Variants in DENND1A observed in about 807,000 individuals in gnomAD.
DENND1A encodes the protein DENN domain-containing protein 1A.
A neutral mutation model predicts 113.7 loss-of-function variants in DENND1A; 51 were observed. That is an observed-to-expected ratio of 0.45 (90% CI 0.36 to 0.57). The LOEUF (loss-of-function observed/expected upper bound fraction) is 0.57. DENND1A is among the 20% of genes least tolerant of loss of function. The probability of loss-of-function intolerance (pLI) is 0.00; values close to 1 mark genes in which losing one functional copy is unlikely to be tolerated. For synonymous variants in DENND1A, 565 were observed against 570.8 expected (o/e 0.99, Z 0.14); for missense variants, 1,258 against 1,395.9 (o/e 0.90, Z 1.57).
chr9:123,563,945 C>T (rs2057907511), intron 12 of DENND1A, among the ~76,000 whole-genome samples: 4 of 152,146 alleles, frequency 2.6e-5, no homozygotes, highest in Admixed American at 2.6e-4. Context: ...GAACAAATAG[C>T]TCTTTCTCAG....
At chr9:123,621,324 T>C (rs939273192) in intron 10 of DENND1A, among the ~76,000 whole-genome samples, 1 of 152,090 alleles carries the variant, frequency 6.6e-6, no homozygotes, top group Non-Finnish European at 1.5e-5. Flanking sequence ...TAGCTGGGAT[T>C]ACAGGCATGT....
intron 11 of DENND1A, among the ~76,000 whole-genome samples, chr9:123,606,724 T>G (rs1363562460): frequency 1.3e-5 from 2 of 152,220 alleles, no homozygotes; most frequent in African/African-American, 4.8e-5. Flanking sequence ...CACAAAGCAT[T>G]TGCTCAGAGA....
chr9:123,638,181 C>G (rs1055231464), intron 9 of DENND1A, among the ~76,000 whole-genome samples: 11 of 152,060 alleles, frequency 7.2e-5, no homozygotes, highest in African/African-American at 2.7e-4. Flanking sequence ...TTTAAAACAT[C>G]AAAGCAACTA....
chr9:123,557,887 G>C (rs1487309981), intron 12 of DENND1A, among the ~76,000 whole-genome samples, 192 bp from the exon 13 acceptor site: 3 of 152,022 alleles, frequency 2.0e-5, no homozygotes, highest in Admixed American at 2.0e-4. Context: ...AGCTACTTGG[G>C]AAGCTGAGGC....
intron 9 of DENND1A, among the ~76,000 whole-genome samples, chr9:123,642,928 G>C (rs1487009199): frequency 1.3e-5 from 2 of 152,204 alleles, no homozygotes; most frequent in African/African-American, 2.4e-5. Context: ...CGTTCGTCAG[G>C]AAAGTAGCAA....
intron 19 of DENND1A, among the ~76,000 whole-genome samples, chr9:123,424,109 GC>G (rs2045530349): frequency 6.6e-6 from 1 of 152,172 alleles, no homozygotes; most frequent in African/African-American, 2.4e-5. Context: ...TTGGTAGACA[GC>G]CCTGGGGAAA....
Position 123,381,385 on chromosome 9 carries a change from G to A in DENND1A, c.*47C>T. Reference sequence around the variant, plus strand: ...GGGGGAGCCTCGGAACCGCAGCAGTGGACGGACCCTCGGGCCTCGGTGCAT... The same window carrying A: ...GGGGGAGCCTCGGAACCGCAGCAGTAGACGGACCCTCGGGCCTCGGTGCAT... On this transcript the variant is annotated 3_prime_UTR_variant, in exon 24 of 24. Coordinates refer to ENST00000394215, the MANE Select transcript of DENND1A (RefSeq NM_001352964.2). The surrounding 1 kb of genome is among the most constrained non-coding windows in gnomAD (Gnocchi z 4.7). The A allele has an allele frequency of 1.3e-6, 2 of 1,566,836 alleles. No individual in the cohort carries two copies. The highest frequency in any genetic ancestry group is 3.4e-4 in the Middle Eastern group (2 of 5,870).
intron 8 of DENND1A, among the ~76,000 whole-genome samples, chr9:123,657,410 G>C (rs887441811): frequency 7.2e-6 from 1 of 138,140 alleles, no homozygotes; most frequent in African/African-American, 2.6e-5. Context: ...GCGATGGGGG[G>C]AGTTGGAGTG....
chr9:123,563,263 GCCCTGCC>G (rs1413520358), intron 12 of DENND1A, among the ~76,000 whole-genome samples: 1 of 152,072 alleles, frequency 6.6e-6, no homozygotes, highest in East Asian at 1.9e-4. Flanking sequence ...TATTGCCCCG[GCCCTGCC>G]TTCACCCGAC....
At chr9:123,472,543 G>A (rs955488084) in intron 13 of DENND1A, among the ~76,000 whole-genome samples, 7 of 152,110 alleles carry the variant, frequency 4.6e-5, no homozygotes, top group African/African-American at 1.2e-4. Flanking sequence ...CAGCATGTCC[G>A]GTACACCCCG....
intron 21 of DENND1A, among the ~76,000 whole-genome samples, chr9:123,391,977 C>T (rs58029121): frequency 0.022 from 3,273 of 152,196 alleles, 108 homozygotes; most frequent in African/African-American, 0.075. Context: ...CCCATCATCC[C>T]CCACGGCTGC....
chr9:123,637,198 G>A (rs1036663111), intron 9 of DENND1A, among the ~76,000 whole-genome samples: 1 of 152,144 alleles, frequency 6.6e-6, no homozygotes, highest in Non-Finnish European at 1.5e-5. Context: ...TTTCCCCTCT[G>A]AACATAAACG....
intron 13 of DENND1A, among the ~76,000 whole-genome samples, chr9:123,528,520 T>G (rs2135277165): frequency 6.6e-6 from 1 of 152,316 alleles, no homozygotes; most frequent in East Asian, 1.9e-4. Context: ...GCTGCACATT[T>G]TTTGACTGAC....
intron 13 of DENND1A, among the ~76,000 whole-genome samples, chr9:123,464,016 TG>T (rs1191233638): frequency 6.6e-6 from 1 of 152,150 alleles, no homozygotes; most frequent in East Asian, 1.9e-4. Flanking sequence ...CAAACCACCA[TG>T]GCACATGTTT....
chr9:123,731,925 T>TAAA (rs1173878328), intron 5 of DENND1A, among the ~76,000 whole-genome samples: 11 of 152,206 alleles, frequency 7.2e-5, no homozygotes, highest in African/African-American at 2.7e-4. Context: ...ATTTGAATAC[T>TAAA]TTACCAAAGA....
At chr9:123,385,561 A>G (rs1347614995) in intron 22 of DENND1A, among the ~76,000 whole-genome samples, 1 of 152,196 alleles carries the variant, frequency 6.6e-6, no homozygotes, top group Non-Finnish European at 1.5e-5. Context: ...GAAGGGCACC[A>G]CCTGGCGGTC....
At chr9:123,528,492 C>A (rs2055026671) in intron 13 of DENND1A, among the ~76,000 whole-genome samples, 1 of 152,176 alleles carries the variant, frequency 6.6e-6, no homozygotes, top group South Asian at 2.1e-4. Flanking sequence ...TTATCCTAGA[C>A]CATTCCCTTT....
At chr9:123,799,910 A>G (rs148100373) in intron 2 of DENND1A, among the ~76,000 whole-genome samples, 18 of 152,358 alleles carry the variant, frequency 1.2e-4, no homozygotes, top group African/African-American at 3.8e-4. Flanking sequence ...AGTTGTTGTT[A>G]TATTATTAAC....
intron 13 of DENND1A, among the ~76,000 whole-genome samples, chr9:123,525,606 A>T (rs945496837): frequency 3.9e-5 from 6 of 152,186 alleles, no homozygotes; most frequent in African/African-American, 1.4e-4. Flanking sequence ...GCTCTACAGG[A>T]GCTAAAGGGG....
Sources: gnomAD v4.1 joint callset for allele counts (sites outside exome capture counted in the v4.1 genomes callset) on GRCh38, gnomAD v4.1.1 for gene constraint, Gnocchi (gnomAD v3.1) non-coding constraint, MANE v1.5 for transcripts, NCBI Gene and HGNC (gene_info 2026-07-23, HGNC 2026-07-21) for gene names.